The following EOGT variants were observed in gnomAD, a reference collection of about 807,000 sequenced individuals.
EOGT encodes EGF domain specific O-linked N-acetylglucosamine transferase, also known as EGF domain-specific O-linked N-acetylglucosamine transferase.
EOGT carries 55 observed loss-of-function variants against 70.5 expected under a neutral mutation model. The observed-to-expected ratio is 0.78, with a 90% confidence interval of 0.63 to 0.98. The LOEUF is 0.98. EOGT is among the 50% of genes least tolerant of loss of function. The pLI is 0.00. For synonymous variants in EOGT, 246 were observed against 217.1 expected (o/e 1.13, Z -1.17); for missense variants, 703 against 641.9 (o/e 1.10, Z -1.03).
At position 69,008,562 on chromosome 3, in the gene EOGT, T is replaced by C. The variant is rs769081709; in HGVS notation, c.211-34A>G. On this transcript the variant is annotated intron_variant, in intron 4 of 17. Coordinates refer to ENST00000383701, the MANE Select transcript of EOGT (RefSeq NM_001278689.2). ...TAAAACTTACATTGATTTCCCTTCTTCTGACATTTAGAGAAGACTCTTAGA... is the reference window on the plus strand; with the variant it reads ...TAAAACTTACATTGATTTCCCTTCTCCTGACATTTAGAGAAGACTCTTAGA... The C allele has an allele frequency of 6.7e-6, 10 of 1,487,718 alleles. No homozygotes were observed. The East Asian group carries it at 1.8e-4, about 27-fold the overall frequency. 92.2% of individuals were successfully genotyped at this position (1,487,718 alleles called of 1,614,324 possible).
chr3:68,990,304 G>A (rs62256141), intron 10 of EOGT, among the ~76,000 whole-genome samples: 1,538 of 151,112 alleles, frequency 0.01, 8 homozygotes, highest in East Asian at 0.018. Context: ...TCTGACAGCT[G>A]CCTTTCAGCA....
At chr3:69,003,853 C>T (rs1326786000) in intron 8 of EOGT, among the ~76,000 whole-genome samples, 1 of 152,082 alleles carries the variant, frequency 6.6e-6, no homozygotes, top group East Asian at 1.9e-4. Flanking sequence ...TTTCTGTATG[C>T]TTTTACATAC....
chr3:69,008,710 A>G (rs1412659583), intron 4 of EOGT, among the ~76,000 whole-genome samples, 182 bp from the exon 5 acceptor site: 1 of 152,232 alleles, frequency 6.6e-6, no homozygotes, highest in Non-Finnish European at 1.5e-5. Context: ...AAGGTTCTTA[A>G]CAATCCTCCT....
rs2090454644 is a variant in EOGT at position 68,975,664 on chromosome 3, C to A, written c.*1954G>T. 6.6e-6 allele frequency: 1 copy of A among 152,334 alleles called. No homozygotes were observed. The allele number at this position is 152,334 out of a possible 1,614,324, so 9.4% of individuals were successfully genotyped here. A position where few individuals can be genotyped will look rare whatever the true frequency, so the allele number is the denominator to read the frequency against. On this transcript the variant is annotated 3_prime_UTR_variant, in exon 18 of 18. Coordinates refer to ENST00000383701, the MANE Select transcript of EOGT (RefSeq NM_001278689.2). ...GTATTTTGCACACAAAAAACAGTTA[C>A]AATACCTGCCACTTAAAAATCCATA... is the stretch of plus-strand genomic sequence containing the variant.
Position 69,001,634 on chromosome 3 carries a change from G to A in EOGT, c.701C>T (p.Pro234Leu), listed in dbSNP as rs766531917. 24 of 1,608,014 alleles carry A rather than the reference G, an allele frequency of 1.5e-5. No individual in the cohort carries two copies. The highest frequency in any genetic ancestry group is 4.0e-5 in the African/African-American group (3 of 74,714). Residue 234 changes from proline to leucine, a missense_variant, in exon 9 of 18, where the codon CCA becomes CTA. Transcript: ENST00000383701. ...DAKCDIVIEK[P>L]TYFMKLDAGV... Reference sequence around the variant, plus strand: ...TGCATCTAATTTCATGAAATATGTTGGTTTTTCAATGACAATGTCACATTT... The same window carrying A: ...TGCATCTAATTTCATGAAATATGTTAGTTTTTCAATGACAATGTCACATTT...
rs149776692 is a variant in EOGT at position 68,998,088 on chromosome 3, C to T, written c.754G>A (p.Asp252Asn). The change falls in exon 10 of 18, where the codon GAT becomes AAT. Residue 252 changes from aspartate (D) to asparagine (N), a missense_variant. Transcript: ENST00000383701. ...TGAGTAATATAAAGATTGATGAAAT[C>T]ACAGAAGTGGTGATACATGTTAACA... The part of the protein sequence containing the change: ...AGVNMYHHFC[D>N]FINLYITQHV... 2.8e-5 allele frequency: 45 copies of T among 1,596,630 alleles called. No individual in the cohort carries two copies. The African/African-American group carries it at 5.0e-4, about 18-fold the overall frequency.
intron 16 of EOGT, among the ~76,000 whole-genome samples, chr3:68,978,976 G>A (rs891835956): frequency 1.3e-5 from 2 of 152,068 alleles, no homozygotes; most frequent in Non-Finnish European, 2.9e-5. Flanking sequence ...GTTTTGCAGG[G>A]CATTGGAAGT....
intron 14 of EOGT, among the ~76,000 whole-genome samples, chr3:68,983,184 T>G (rs900109917): frequency 6.6e-6 from 1 of 152,138 alleles, no homozygotes; most frequent in South Asian, 2.1e-4. Context: ...GGCACAGAAA[T>G]AGCTAACCAT....
At chr3:69,000,960 T>C (rs993738707) in intron 9 of EOGT, among the ~76,000 whole-genome samples, 1 of 151,108 alleles carries the variant, frequency 6.6e-6, no homozygotes, top group Non-Finnish European at 1.5e-5. Flanking sequence ...GCTTTTGATT[T>C]TTTTTTTTTT....
intron 14 of EOGT, among the ~76,000 whole-genome samples, chr3:68,986,590 G>A (rs1352340544): frequency 6.6e-6 from 1 of 152,158 alleles, no homozygotes; most frequent in Non-Finnish European, 1.5e-5. Context: ...CTGCCCGAGA[G>A]GCTCTCTCCC....
intron 16 of EOGT, 63 bp downstream of exon 16, chr3:68,979,604 AG>A (rs1316605315): frequency 1.9e-6 from 3 of 1,540,594 alleles, no homozygotes; most frequent in Non-Finnish European, 2.6e-6. Context: ...TCAGAATGAA[AG>A]CTTTAGCATG....
chr3:68,982,806 C>T lies in EOGT; in HGVS notation c.1214+5G>A, dbSNP rs2090687763. The T allele has an allele frequency of 6.2e-7, 1 of 1,600,604 alleles. No homozygotes were observed. Among genetic ancestry groups the T allele is most frequent in the Non-Finnish European group, 8.5e-7 (1 of 1,173,062 alleles). On this transcript the variant is annotated splice_donor_5th_base_variant and intron_variant, in intron 15 of 17. Transcript: ENST00000383701. Reference sequence around the variant, plus strand: ...CAGTGTCTGCTGAGATTGGCTATTACTTACCTATACTTGTAATCAACAATC... The same window carrying T: ...CAGTGTCTGCTGAGATTGGCTATTATTTACCTATACTTGTAATCAACAATC...
chr3:69,001,764 C>G, intron 8 of EOGT, 50 bp from the exon 9 acceptor site: 1 of 1,256,212 alleles, frequency 8.0e-7, no homozygotes, highest in Non-Finnish European at 1.2e-6. Context: ...CCCAAACTTC[C>G]TATTAGAACA....
rs958805070 is a variant in EOGT at position 69,002,106 on chromosome 3, C to T, written c.621-392G>A. Among the ~76,000 whole-genome samples, 5 of 152,144 alleles carry T rather than the reference C, an allele frequency of 3.3e-5. No individual in the cohort carries two copies. The East Asian group carries it at 7.7e-4, about 24-fold the overall frequency. ...TTTCAGGAGCCCGAAGCAGGAGAAT[C>T]GCTTGAACCTGGGAGGCAGAGGTTG... On this transcript the variant is annotated intron_variant, in intron 8 of 17. Transcript: ENST00000383701.
chr3:68,990,105 G>A (rs1035766842), intron 10 of EOGT, among the ~76,000 whole-genome samples: 1 of 151,946 alleles, frequency 6.6e-6, no homozygotes, highest in African/African-American at 2.4e-5. Flanking sequence ...CTATGTTCCA[G>A]GCAGTTTTTT....
intron 9 of EOGT, among the ~76,000 whole-genome samples, chr3:68,999,174 G>C (rs2091235623): frequency 6.6e-6 from 1 of 152,166 alleles, no homozygotes; most frequent in African/African-American, 2.4e-5. Flanking sequence ...CTAAGTGCCA[G>C]CTTTATTATG....
intron 10 of EOGT, among the ~76,000 whole-genome samples, chr3:68,990,808 GTC>G (rs1205461364): frequency 1.3e-5 from 2 of 150,572 alleles, no homozygotes; most frequent in Non-Finnish European, 2.9e-5. Context: ...TTATGTTCAT[GTC>G]TCTTTTTTAT....
rs2090479814 is a variant in EOGT, at chr3:68,976,646, G to GTGTGTGTT, written c.*971_*972insAACACACA. On this transcript the variant is annotated 3_prime_UTR_variant, in exon 18 of 18. Coordinates refer to ENST00000383701, the MANE Select transcript of EOGT (RefSeq NM_001278689.2). Reference sequence around the variant, plus strand: ...TACTGAGAATCACAACTCTGCGTGTGTGTGTGTGTGTGTGTGTGTGTGTGT... The same window carrying GTGTGTGTT: ...TACTGAGAATCACAACTCTGCGTGTGTGTGTGTTTGTGTGTGTGTGTGTGTGTGTGTGT... The GTGTGTGTT allele has an allele frequency of 6.6e-6, 1 of 151,272 alleles. No homozygotes were observed. Among genetic ancestry groups the GTGTGTGTT allele is most frequent in the South Asian group, 2.1e-4 (1 of 4,760 alleles). The allele number at this position is 151,272 out of a possible 1,614,324, so 9.4% of individuals were successfully genotyped here. A position where few individuals can be genotyped will look rare whatever the true frequency, so the allele number is the denominator to read the frequency against.
chr3:68,999,178 T>C (rs2091235762), intron 9 of EOGT, among the ~76,000 whole-genome samples: 1 of 152,216 alleles, frequency 6.6e-6, no homozygotes, highest in Non-Finnish European at 1.5e-5. Context: ...GTGCCAGCTT[T>C]ATTATGAGAA....
Sources: gnomAD v4.1 joint callset for allele counts (sites outside exome capture counted in the v4.1 genomes callset) on GRCh38, gnomAD v4.1.1 for gene constraint, MANE v1.5 for transcripts, NCBI Gene and HGNC (gene_info 2026-07-23, HGNC 2026-07-21) for gene names.